Variants in INSR observed in about 807,000 individuals in gnomAD.
The protein encoded by INSR is insulin receptor.
In INSR, 67 loss-of-function variants were observed where a neutral mutation model predicts 142.6. The observed-to-expected ratio is 0.47, with a 90% CI of 0.39 to 0.58. INSR has a LOEUF of 0.58. Ranked by LOEUF, INSR falls within the 20% of genes least tolerant of loss-of-function variation. INSR has a pLI of 0.00. For synonymous variants in INSR, 756 were observed against 743.1 expected, an observed-to-expected ratio of 1.02 and a Z score of -0.28; for missense variants, 1,248 against 1,833.2, an observed-to-expected ratio of 0.68 and a Z score of 5.83.
chr19:7,157,652 G>C (rs1287542343), intron 9 of INSR, among the ~76,000 whole-genome samples: 4 of 151,968 alleles, frequency 2.6e-5, no homozygotes, highest in African/African-American at 9.7e-5. Context: ...GCACAGTTAT[G>C]CCTCTGGTAC....
At chr19:7,270,855 T>C (rs1032731680) in intron 1 of INSR, among the ~76,000 whole-genome samples, 1 of 151,648 alleles carries the variant, frequency 6.6e-6, no homozygotes, top group Non-Finnish European at 1.5e-5. Context: ...GGTCAGGAGA[T>C]CAAAACCATC....
At chr19:7,208,317 T>C (rs1975173876) in intron 2 of INSR, among the ~76,000 whole-genome samples, 2 of 145,470 alleles carry the variant, frequency 1.4e-5, no homozygotes, top group Non-Finnish European at 3.0e-5. Flanking sequence ...CCCTTGAACT[T>C]CCTTCCTATC....
At position 7,119,744 on chromosome 19, in the gene INSR, GCA is replaced by G. The variant is rs1296006539; in HGVS notation, c.3660-163_3660-162del. On this transcript the variant is annotated intron_variant, in intron 20 of 21. Coordinates refer to ENST00000302850, the MANE Select transcript of INSR (RefSeq NM_000208.4). The surrounding 1 kb of genome is among the most constrained non-coding windows in gnomAD (Gnocchi z 5.2). The stretch of plus-strand genomic sequence containing the variant: ...TGCAAACACACACGCACATACACGT[GCA>G]CACACATGCAAATACACACAAACAC... Among the ~76,000 whole-genome samples, 1 of 145,770 alleles carries G rather than the reference GCA, an allele frequency of 6.9e-6. No individual in the cohort carries two copies.
intron 6 of INSR, among the ~76,000 whole-genome samples, chr19:7,170,095 G>C (rs1030040652): frequency 6.6e-6 from 1 of 152,124 alleles, no homozygotes; most frequent in Non-Finnish European, 1.5e-5. Flanking sequence ...AGGTGAGCAA[G>C]TGAAGCTTCA....
intron 2 of INSR, among the ~76,000 whole-genome samples, chr19:7,209,584 AT>A (rs10714669): frequency 0.98 from 145,365 of 149,058 alleles, 70,912 homozygotes; most frequent in South Asian, 0.99. Flanking sequence ...TGCCCAGCTA[AT>A]TTTTTTTTTT....
At chr19:7,245,227 C>T (rs751470877) in intron 2 of INSR, among the ~76,000 whole-genome samples, 3 of 152,138 alleles carry the variant, frequency 2.0e-5, no homozygotes, top group Non-Finnish European at 2.9e-5. Flanking sequence ...TGAGCCACCG[C>T]GCCCAGCCCT....
At chr19:7,157,424 ATTTTTTT>A (rs56136465) in intron 9 of INSR, among the ~76,000 whole-genome samples, 11 of 115,108 alleles carry the variant, frequency 9.6e-5, no homozygotes, top group Admixed American at 2.8e-4. Flanking sequence ...CGATTTTTGT[ATTTTTTT>A]TTTTTTTTTT....
intron 8 of INSR, among the ~76,000 whole-genome samples, chr19:7,164,226 A>G (rs1429885544): frequency 6.6e-6 from 1 of 151,990 alleles, no homozygotes; most frequent in Non-Finnish European, 1.5e-5. Context: ...GTTGCAGGAC[A>G]TGGAACAGCC....
Position 7,117,325 on chromosome 19 carries a change from G to T in INSR, c.3880C>A (p.Leu1294Met). The T allele has an allele frequency of 1.2e-6, 2 of 1,614,144 alleles. No individual in the cohort carries two copies. The highest frequency in any genetic ancestry group is 1.7e-6 in the Non-Finnish European group (2 of 1,180,026). Residue 1294 changes from leucine to methionine, a missense_variant, in exon 22 of 22, where the codon CTG becomes ATG. By Grantham distance (15) the Leu-to-Met change is conservative (BLOSUM62 2). Around this residue, in one of 3 missense-constraint regions of INSR, gnomAD observed 122 missense variants for 129.8 expected, o/e 0.94. Coordinates refer to ENST00000302850, the MANE Select transcript of INSR (RefSeq NM_000208.4). The stretch of plus-strand genomic sequence containing the variant: ...GACACCTCTGGAAAGCTGGGGTGCA[G>T]GTCGTCCTTGAGCAGGTTGACAATC... ...LEIVNLLKDD[L>M]HPSFPEVSFF...
At chr19:7,146,840 A>T (rs546428190) in intron 11 of INSR, among the ~76,000 whole-genome samples, 2 of 152,304 alleles carry the variant, frequency 1.3e-5, no homozygotes, top group East Asian at 3.9e-4. Context: ...CAAGTGCACC[A>T]TTGTCCAAAG....
rs1453317647 is a variant in INSR at position 7,192,497 on chromosome 19, TC to T, written c.653-7861del. The stretch of plus-strand genomic sequence containing the variant: ...TCCTCTCCCTGTGCCCCTGACCTGA[TC>T]CCCCTCATTGACACGTAATGAGCCC... On this transcript the variant is annotated intron_variant, in intron 2 of 21. Coordinates refer to ENST00000302850, the MANE Select transcript of INSR (RefSeq NM_000208.4). This position sits in a 1 kb window ranked among gnomAD's most constrained non-coding sequence, Gnocchi z 4.2. Among the ~76,000 whole-genome samples the T allele has an allele frequency of 2.0e-5, 3 of 151,818 alleles. No homozygotes were observed.
At position 7,172,325 on chromosome 19, in the gene INSR, C is replaced by G; in HGVS notation, c.1233G>C (p.Lys411Asn). Residue 411 changes from lysine (K) to asparagine (N), a missense_variant, in exon 5 of 22, where the codon AAG (lysine) becomes AAC (asparagine). Transcript: ENST00000302850. ...AGGTCTCTCCTCGAATCAGACGTAA[C>G]TTCCGGAAGAAGGAAAGTGACACCA... ...YALVSLSFFR[K>N]LRLIRGETLE... 3 of 1,614,140 alleles carry G rather than the reference C, an allele frequency of 1.9e-6. No individual in the cohort carries two copies. The highest frequency in any genetic ancestry group is 2.5e-6 in the Non-Finnish European group (3 of 1,180,024).
At chr19:7,252,840 G>A (rs1976768482) in intron 2 of INSR, among the ~76,000 whole-genome samples, 2 of 152,270 alleles carry the variant, frequency 1.3e-5, no homozygotes, top group African/African-American at 4.8e-5. Context: ...CCACAGCCAG[G>A]CGCGGTGGCT....
intron 13 of INSR, among the ~76,000 whole-genome samples, chr19:7,132,746 C>T (rs948542111): frequency 3.3e-5 from 5 of 151,890 alleles, no homozygotes; most frequent in African/African-American, 7.3e-5. Flanking sequence ...CGCTCACCAC[C>T]GCGCCTGCCT....
At chr19:7,188,788 C>T (rs1024691205) in intron 2 of INSR, among the ~76,000 whole-genome samples, 4 of 145,350 alleles carry the variant, frequency 2.8e-5, no homozygotes, top group Non-Finnish European at 3.0e-5. Context: ...GCAGTAGAAT[C>T]GCTTGAACGC....
chr19:7,233,403 C>A (rs551575185), intron 2 of INSR, among the ~76,000 whole-genome samples: 1 of 152,310 alleles, frequency 6.6e-6, no homozygotes, highest in South Asian at 2.1e-4. Context: ...TGGTTCCAAA[C>A]CATCGTACTA....
chr19:7,266,256 T>C (rs915614579), intron 2 of INSR, among the ~76,000 whole-genome samples: 1 of 152,126 alleles, frequency 6.6e-6, no homozygotes, highest in African/African-American at 2.4e-5. Flanking sequence ...ACACCATTTG[T>C]CAATCTGCAC....
chr19:7,206,026 G>A (rs532928198), intron 2 of INSR, among the ~76,000 whole-genome samples: 20 of 152,256 alleles, frequency 1.3e-4, no homozygotes, highest in African/African-American at 4.1e-4. Flanking sequence ...TCTGTGCCTC[G>A]GTTTCCCCAT....
intron 2 of INSR, among the ~76,000 whole-genome samples, chr19:7,253,109 G>A (rs1325200548): frequency 1.1e-5 from 1 of 89,674 alleles, no homozygotes; most frequent in Non-Finnish European, 2.1e-5. Flanking sequence ...GTGAGACTCC[G>A]CCAAAAAAAA....
Sources: allele counts gnomAD v4.1 joint callset (sites outside exome capture counted in the v4.1 genomes callset), GRCh38; gene constraint gnomAD v4.1.1; regional missense constraint gnomAD v4.1.1; non-coding constraint Gnocchi (gnomAD v3.1); transcripts MANE v1.5; gene names NCBI Gene and HGNC (gene_info 2026-07-23, HGNC 2026-07-21).